RNF213: variants seen among roughly 807,000 people sequenced by gnomAD.
RNF213 encodes the protein ring finger protein 213.
RNF213 carries 341 observed loss-of-function variants against 514.4 expected under a neutral mutation model. The observed-to-expected ratio is 0.66, with a 90% CI of 0.61 to 0.73. The LOEUF (loss-of-function observed/expected upper bound fraction) is 0.73. Ranked by LOEUF, RNF213 falls within the 30% of genes least tolerant of loss-of-function variation. RNF213 has a pLI of 0.00. For synonymous variants in RNF213, 2,655 were observed against 2,658.2 expected, an observed-to-expected ratio of 1.00 and a Z score of 0.04; for missense variants, 5,767 against 6,615.6, an observed-to-expected ratio of 0.87 and a Z score of 4.45.
At position 80,376,549 on chromosome 17, in the gene RNF213, A is replaced by G. The variant is rs750847481; in HGVS notation, c.13428+6A>G. 1.8e-5 allele frequency: 29 copies of G among 1,613,862 alleles called. No individual in the cohort carries two copies. The South Asian group carries it at 3.2e-4, about 18-fold the overall frequency. On this transcript the variant is annotated splice_donor_region_variant and intron_variant, in intron 52 of 67. Transcript: ENST00000582970. ...TCTCCCCAGCCACCATGGCGGTAAG[A>G]GTAGGCCACAATTCCATCGGCCTTC... is the stretch of plus-strand genomic sequence containing the variant.
intron 67 of RNF213, among the ~76,000 whole-genome samples, chr17:80,390,834 G>A (rs770898581): frequency 5.3e-5 from 8 of 152,074 alleles, no homozygotes; most frequent in East Asian, 1.9e-4. Context: ...AGGCCGAGGT[G>A]GGTGGATCAC....
chr17:80,288,451 C>A lies in RNF213; in HGVS notation c.810+88C>A. 1 of 1,598,264 alleles carries A rather than the reference C, an allele frequency of 6.3e-7. No individual in the cohort carries two copies. Among genetic ancestry groups the A allele is most frequent in the Non-Finnish European group, 8.5e-7 (1 of 1,171,998 alleles). On this transcript the variant is annotated intron_variant, in intron 4 of 67. Transcript: ENST00000582970. The surrounding 1 kb of genome is among the most constrained non-coding windows in gnomAD (Gnocchi z 4.9). ...GCAAGGTGCTGGCGTTGCTTCCCTG[C>A]CGGGGGGAGGGGCGTCCTCTGGGCC...
At position 80,353,552 on chromosome 17, in the gene RNF213, G is replaced by A. The variant is rs373516280; in HGVS notation, c.10464G>A (p.Ala3488=). ...EHRAEDGHEE[A]METEASTSGE... is the part of the protein sequence containing the mutation. ...GGGCGGAAGACGGCCATGAGGAGGC[G>A]ATGGAGACGGAGGCCAGCACATCAG... The change falls in exon 34 of 68, where the codon GCG becomes GCA. Residue 3488 remains alanine (A), a synonymous_variant. Transcript: ENST00000582970. This position sits in a 1 kb window ranked among gnomAD's most constrained non-coding sequence, Gnocchi z 5.0. 20 of 1,613,644 alleles carry A rather than the reference G, an allele frequency of 1.2e-5. No homozygotes were observed. The highest frequency in any genetic ancestry group is 1.6e-4 in the Middle Eastern group (1 of 6,082).
At chr17:80,364,809 G>A in intron 42 of RNF213, 1 of 476,202 alleles carries the variant, frequency 2.1e-6, no homozygotes, top group East Asian at 4.4e-5. Context: ...GCAGAAAGGG[G>A]CTGACGCAGG....
chr17:80,267,442 A>C (rs929958694), intron 2 of RNF213, among the ~76,000 whole-genome samples: 1 of 152,158 alleles, frequency 6.6e-6, no homozygotes, highest in Non-Finnish European at 1.5e-5. Flanking sequence ...ACTCCATCCC[A>C]AAAAAGAAAA....
intron 36 of RNF213, among the ~76,000 whole-genome samples, chr17:80,355,762 G>A (rs1308562378): frequency 7.3e-6 from 1 of 137,398 alleles, no homozygotes; most frequent in African/African-American, 2.9e-5. Flanking sequence ...AAGAAGCGGG[G>A]TGAATGGGAA....
intron 12 of RNF213, among the ~76,000 whole-genome samples, chr17:80,306,924 G>T (rs2143583451): frequency 6.6e-6 from 1 of 151,618 alleles, no homozygotes; most frequent in South Asian, 2.1e-4. Context: ...CACATTTTTT[G>T]GTGGAGAAAA....
intron 16 of RNF213, among the ~76,000 whole-genome samples, 188 bp from the exon 17 acceptor site, chr17:80,319,002 A>G (rs2046045421): frequency 6.6e-6 from 1 of 152,190 alleles, no homozygotes; most frequent in African/African-American, 2.4e-5. Flanking sequence ...AGACTCTTTT[A>G]AATTTTAGCC....
intron 8 of RNF213, among the ~76,000 whole-genome samples, chr17:80,293,898 G>A (rs530087867): frequency 1.3e-5 from 2 of 152,182 alleles, no homozygotes; most frequent in South Asian, 2.1e-4. Flanking sequence ...GGTGATGACC[G>A]AGTTGAGAAC....
Position 80,288,500 on chromosome 17 carries a change from G to A in RNF213, c.811-133G>A. 6.3e-7 allele frequency: 1 copy of A among 1,598,568 alleles called. No homozygotes were observed. The highest frequency in any genetic ancestry group is 8.5e-7 in the Non-Finnish European group (1 of 1,169,742). On this transcript the variant is annotated intron_variant, in intron 4 of 67. Transcript: ENST00000582970. The surrounding 1 kb of genome is among the most constrained non-coding windows in gnomAD (Gnocchi z 4.9). ...CCCTGCTCCCTGGGTGGGAGTCGGAGGGCTGCCCCTCCACTGGGGATGCCA... is the reference window on the plus strand; with the variant it reads ...CCCTGCTCCCTGGGTGGGAGTCGGAAGGCTGCCCCTCCACTGGGGATGCCA...
chr17:80,372,448 G>T (rs971837958), intron 47 of RNF213, 73 bp from the exon 48 acceptor site: 63 of 1,072,510 alleles, frequency 5.9e-5, no homozygotes, highest in Admixed American at 9.9e-5. Flanking sequence ...AGTCACATTG[G>T]CGACTGTAGA....
rs745851562 is a variant in RNF213, at chr17:80,327,938, C to G, written c.3316C>G (p.Leu1106Val). The part of the protein sequence containing the change: ...LLSGTILVGQ[L>V]ELIIKHKNQF... ...AAGTGGCACGATTTTAGTTGGACAACTGGAGCTGATTATAAAGCACAAGAA... is the reference window on the plus strand; with the variant it reads ...AAGTGGCACGATTTTAGTTGGACAAGTGGAGCTGATTATAAAGCACAAGAA... Residue 1106 changes from leucine (L) to valine (V), a missense_variant, in exon 19 of 68, where the codon CTG becomes GTG. Coordinates refer to ENST00000582970, the MANE Select transcript of RNF213 (RefSeq NM_001256071.3). 4 of 1,537,280 alleles carry G rather than the reference C, an allele frequency of 2.6e-6. No individual in the cohort carries two copies. The highest frequency in any genetic ancestry group is 2.6e-6 in the Non-Finnish European group (3 of 1,146,916).
At chr17:80,319,914 G>C (rs2046082350) in intron 17 of RNF213, 3 of 1,060,128 alleles carry the variant, frequency 2.8e-6, no homozygotes, top group Non-Finnish European at 3.4e-6. Context: ...CACAGGGGAA[G>C]TCCAGAAACA....
intron 22 of RNF213, among the ~76,000 whole-genome samples, chr17:80,335,869 C>T (rs768994726): frequency 9.3e-5 from 14 of 150,972 alleles, no homozygotes; most frequent in Non-Finnish European, 1.9e-4. Context: ...CCCAGCTACA[C>T]GGGAGGCTGA....
intron 59 of RNF213, 41 bp from the exon 60 acceptor site, chr17:80,384,998 G>A: frequency 3.1e-6 from 5 of 1,610,296 alleles, no homozygotes; most frequent in Non-Finnish European, 4.2e-6. Flanking sequence ...ACATTTTTTA[G>A]GTAAATAAAA....
At chr17:80,287,374 T>A (rs2044508812) in intron 3 of RNF213, among the ~76,000 whole-genome samples, 1 of 152,174 alleles carries the variant, frequency 6.6e-6, no homozygotes, top group Non-Finnish European at 1.5e-5. Context: ...GTAGTGATGC[T>A]CACCTATAGT....
At chr17:80,290,812 T>G (rs2044695579) in intron 7 of RNF213, 84 bp downstream of exon 7, 7 of 1,516,022 alleles carry the variant, frequency 4.6e-6, no homozygotes, top group South Asian at 3.5e-5. Flanking sequence ...AAAAAAATTT[T>G]GTTTTTTTTT....
Position 80,349,755 on chromosome 17 carries a change from T to G in RNF213, c.9952-15T>G, listed in dbSNP as rs747459356. 6.2e-7 allele frequency: 1 copy of G among 1,614,034 alleles called. No individual in the cohort carries two copies. Among genetic ancestry groups the G allele is most frequent in the Non-Finnish European group, 8.5e-7 (1 of 1,179,952 alleles). ...TTGAAGTCTGGCAAGTAATTTGCATTTCTTAACTCTGTAGATCACCACTTT... is the reference window on the plus strand; with the variant it reads ...TTGAAGTCTGGCAAGTAATTTGCATGTCTTAACTCTGTAGATCACCACTTT... On this transcript the variant is annotated splice_polypyrimidine_tract_variant and intron_variant, in intron 29 of 67. Transcript: ENST00000582970.
Position 80,390,220 on chromosome 17 carries a change from G to A in RNF213, c.15470+24G>A, listed in dbSNP as rs746210237. The A allele has an allele frequency of 8.1e-6, 13 of 1,611,352 alleles. No homozygotes were observed. In the African/African-American group the frequency reaches 9.3e-5, roughly 12 times the overall value. Reference sequence around the variant, plus strand: ...AGGTATGGATTTGCACACCTATGGGGCGGGGCAGACACAATGTTGTGCTGT... The same window carrying A: ...AGGTATGGATTTGCACACCTATGGGACGGGGCAGACACAATGTTGTGCTGT... On this transcript the variant is annotated intron_variant, in intron 67 of 67. Transcript: ENST00000582970.
Sources: allele counts gnomAD v4.1 joint callset (sites outside exome capture counted in the v4.1 genomes callset), GRCh38; gene constraint gnomAD v4.1.1; non-coding constraint Gnocchi (gnomAD v3.1); transcripts MANE v1.5; gene names NCBI Gene and HGNC (gene_info 2026-07-23, HGNC 2026-07-21).